The following STIM1 variants were observed in gnomAD, a reference collection of about 807,000 sequenced individuals.
STIM1 encodes stromal interaction molecule 1.
A neutral mutation model predicts 74.7 loss-of-function variants in STIM1; 25 were observed. That is an observed-to-expected ratio of 0.33 (90% CI 0.24 to 0.47). STIM1 has a LOEUF of 0.47. Ranked by LOEUF, STIM1 falls within the 20% of genes least tolerant of loss-of-function variation. The pLI is 1.00. For synonymous variants in STIM1, 328 were observed against 348.8 expected, an observed-to-expected ratio of 0.94 and a Z score of 0.66; for missense variants, 728 against 920.8, an observed-to-expected ratio of 0.79 and a Z score of 2.71.
intron 1 of STIM1, among the ~76,000 whole-genome samples, chr11:3,893,652 T>A (rs2091964572): frequency 2.7e-5 from 2 of 75,424 alleles, no homozygotes; most frequent in South Asian, 1.3e-3. Context: ...TGGGTCAACA[T>A]TTTTTTTTTT....
At chr11:3,983,200 T>G (rs1007289682) in intron 2 of STIM1, among the ~76,000 whole-genome samples, 1 of 152,126 alleles carries the variant, frequency 6.6e-6, no homozygotes, top group Non-Finnish European at 1.5e-5. Context: ...TCCCAAAGTG[T>G]TGGGATTACA....
chr11:4,012,626 G>A (rs1478815402), intron 2 of STIM1, among the ~76,000 whole-genome samples: 9 of 152,174 alleles, frequency 5.9e-5, no homozygotes, highest in East Asian at 5.8e-4. Flanking sequence ...GATTTTGGGC[G>A]GAGACGATGG....
At chr11:3,870,859 A>G (rs555902772) in intron 1 of STIM1, among the ~76,000 whole-genome samples, 48 of 143,264 alleles carry the variant, frequency 3.4e-4, no homozygotes, top group African/African-American at 1.2e-3. Context: ...ACCATATCCT[A>G]TCAGCTACTC....
intron 1 of STIM1, among the ~76,000 whole-genome samples, chr11:3,938,442 C>G (rs1159051896): frequency 4.6e-5 from 7 of 152,122 alleles, no homozygotes; most frequent in Admixed American, 4.6e-4. Flanking sequence ...TGCTCATTTG[C>G]TTTATGTTTT....
Position 4,070,060 on chromosome 11 carries a change from G to A in STIM1, c.648G>A (p.Leu216=). The A allele has an allele frequency of 6.2e-7, 1 of 1,614,182 alleles. No homozygotes were observed. The highest frequency in any genetic ancestry group is 8.5e-7 in the Non-Finnish European group (1 of 1,180,036). Residue 216 remains leucine (L), a synonymous_variant, in exon 6 of 13, where the codon CTG becomes CTA. Transcript: ENST00000526596. ...ATAATCACCTCAAGGACTTCATGCT[G>A]GTGGTGTCTATCGTTATTGGTGTGG... ...TRHNHLKDFM[L]VVSIVIGVGG...
At chr11:4,059,131 G>T in intron 4 of STIM1, 150 bp from the exon 5 acceptor site, 2 of 803,802 alleles carry the variant, frequency 2.5e-6, no homozygotes, top group South Asian at 3.1e-5. Context: ...ACCCTGTTGA[G>T]ACCCAACTGG....
chr11:3,889,199 T>G (rs535186313), intron 1 of STIM1, among the ~76,000 whole-genome samples: 85 of 149,922 alleles, frequency 5.7e-4, no homozygotes, highest in Non-Finnish European at 7.8e-4. Flanking sequence ...GATCATTATC[T>G]TATCCCTGAG....
At chr11:4,088,574 A>C (rs1194029381) in intron 12 of STIM1, 1 of 810,338 alleles carries the variant, frequency 1.2e-6, no homozygotes, top group African/African-American at 1.7e-5. Flanking sequence ...TGGGTTGGGG[A>C]CACTAAGGGA....
intron 4 of STIM1, chr11:4,059,052 C>A: frequency 1.1e-6 from 1 of 896,916 alleles, no homozygotes; most frequent in Non-Finnish European, 1.6e-6. Context: ...GGATAGGGTG[C>A]TTAGAAGTTG....
chr11:3,896,895 A>G (rs557806565), intron 1 of STIM1, among the ~76,000 whole-genome samples: 19 of 152,314 alleles, frequency 1.2e-4, no homozygotes, highest in African/African-American at 4.1e-4. Context: ...TATAAAATCA[A>G]TCTCATAGAG....
intron 1 of STIM1, among the ~76,000 whole-genome samples, chr11:3,870,475 T>A (rs1263671314): frequency 6.6e-6 from 1 of 152,192 alleles, no homozygotes; most frequent in Non-Finnish European, 1.5e-5. Context: ...GTAAATATGC[T>A]TTCTATAATA....
chr11:3,979,852 T>C (rs1052622812), intron 2 of STIM1, among the ~76,000 whole-genome samples: 2 of 152,176 alleles, frequency 1.3e-5, no homozygotes, highest in Non-Finnish European at 2.9e-5. Context: ...GCTCAGGTAG[T>C]TCTCCTTACC....
intron 2 of STIM1, among the ~76,000 whole-genome samples, chr11:3,992,314 T>TG (rs2093624527): frequency 6.6e-6 from 1 of 151,570 alleles, no homozygotes; most frequent in African/African-American, 2.4e-5. Context: ...CTCAGAAGGC[T>TG]GAGACATGAG....
chr11:3,953,347 C>T (rs771510941), intron 1 of STIM1, among the ~76,000 whole-genome samples: 1 of 152,192 alleles, frequency 6.6e-6, no homozygotes, highest in Admixed American at 6.5e-5. Flanking sequence ...GGGAATGGTT[C>T]AAGCCCAGAT....
At chr11:3,947,409 C>A (rs1370899649) in intron 1 of STIM1, 3 of 152,182 alleles carry the variant, frequency 2.0e-5, no homozygotes, top group Non-Finnish European at 1.5e-5. Context: ...GAAGTGACCT[C>A]CCTTCTCAGG....
chr11:3,855,913 A>G lies in STIM1; in HGVS notation c.-358A>G, dbSNP rs1034335848. On this transcript the variant is annotated 5_prime_UTR_variant, in exon 1 of 13. Transcript: ENST00000526596. ...TTCTCTTCTCTTCTCTTCCTCCTCC[A>G]CTTCTGTGCCCGCGGAGACTCCGGC... The G allele has an allele frequency of 9.6e-6, 3 of 311,248 alleles. No individual in the cohort carries two copies. The highest frequency in any genetic ancestry group is 6.5e-5 in the African/African-American group (3 of 45,926). The allele number at this position is 311,248 out of a possible 1,614,324, so 19.3% of individuals were successfully genotyped here.
At chr11:4,021,052 T>C (rs1286254634) in intron 2 of STIM1, among the ~76,000 whole-genome samples, 1 of 152,218 alleles carries the variant, frequency 6.6e-6, no homozygotes, top group Non-Finnish European at 1.5e-5. Flanking sequence ...TCTCCCATTC[T>C]GTAGGTTGTC....
intron 7 of STIM1, among the ~76,000 whole-genome samples, chr11:4,077,202 T>C (rs568180620): frequency 8.7e-4 from 132 of 151,890 alleles, no homozygotes; most frequent in Non-Finnish European, 1.8e-3. Context: ...AAGCAGTTGC[T>C]AAGTGAAATA....
In STIM1 at chr11:4,091,557, G is replaced by T; in HGVS notation, c.1910G>T (p.Gly637Val). 6.2e-7 allele frequency: 1 copy of T among 1,614,162 alleles called. No individual in the cohort carries two copies. The highest frequency in any genetic ancestry group is 1.6e-4 in the Middle Eastern group (1 of 6,062). ...LMELSPSAPP[G>V]GSPHLDSSRS... ...GAGCTGAGCCCCTCAGCCCCACCTG[G>T]TGGCTCTCCACATTTGGATTCTTCC... The change falls in exon 13 of 13, where the codon GGT becomes GTT. Residue 637 changes from glycine (G) to valine (V), a missense_variant. By Grantham distance (109) the Gly-to-Val change is moderately radical. Coordinates refer to ENST00000526596, the MANE Select transcript of STIM1 (RefSeq NM_001382567.1).
Sources: gnomAD v4.1 joint callset for allele counts (sites outside exome capture counted in the v4.1 genomes callset) on GRCh38, gnomAD v4.1.1 for gene constraint, MANE v1.5 for transcripts, NCBI Gene and HGNC (gene_info 2026-07-23, HGNC 2026-07-21) for gene names.